TIMP2: variants seen among roughly 807,000 people sequenced by gnomAD.
The protein encoded by TIMP2 is TIMP metallopeptidase inhibitor 2.
Under a neutral mutation model 24.3 loss-of-function variants are expected in TIMP2, and 5 were observed. That is an observed-to-expected ratio of 0.21 (90% CI 0.11 to 0.43). The LOEUF (loss-of-function observed/expected upper bound fraction) is 0.43, where lower values mean the gene tolerates loss of function less well. Among genes scored for constraint, TIMP2 ranks in the 20% least tolerant of loss-of-function variants. TIMP2 has a pLI of 1.00. For missense variants in TIMP2, 221 were observed against 297.5 expected, an observed-to-expected ratio of 0.74 and a Z score of 1.89; for synonymous variants, 130 against 123.2, an observed-to-expected ratio of 1.06 and a Z score of -0.37.
intron 1 of TIMP2, among the ~76,000 whole-genome samples, chr17:78,886,083 G>A (rs965028647): frequency 6.6e-6 from 1 of 152,168 alleles, no homozygotes; most frequent in Non-Finnish European, 1.5e-5. Context: ...GAACCACCCT[G>A]TCCCCTTAGC....
rs1454768220 is a variant in TIMP2, at chr17:78,891,499, G to C, written c.131-17580C>G. 1 of 1,551,028 alleles carries C rather than the reference G, an allele frequency of 6.4e-7. No homozygotes were observed. Among genetic ancestry groups the C allele is most frequent in the Non-Finnish European group, 8.7e-7 (1 of 1,147,128 alleles). ...CCAACTCCAGCTCTTTCTGCCACTT[G>C]TTCTTCTCCCGGAGCGTGCACTGAG... On this transcript the variant is annotated intron_variant, in intron 1 of 4. Transcript: ENST00000262768. The surrounding 1 kb of genome is among the most constrained non-coding windows in gnomAD (Gnocchi z 4.5).
chr17:78,891,878 G>C lies in TIMP2; in HGVS notation c.131-17959C>G. 6.4e-7 allele frequency: 1 copy of C among 1,550,650 alleles called. No individual in the cohort carries two copies. The highest frequency in any genetic ancestry group is 8.7e-7 in the Non-Finnish European group (1 of 1,147,014). On this transcript the variant is annotated intron_variant, in intron 1 of 4. Coordinates refer to ENST00000262768, the MANE Select transcript of TIMP2 (RefSeq NM_003255.5). This position sits in a 1 kb window ranked among gnomAD's most constrained non-coding sequence, Gnocchi z 4.5. ...CAGGTGAGAATTCATCCGACCCGTGGCTTTTGTAGTCTGTGGTTTCTCTGG... is the reference window on the plus strand; with the variant it reads ...CAGGTGAGAATTCATCCGACCCGTGCCTTTTGTAGTCTGTGGTTTCTCTGG...
At chr17:78,870,096 G>A (rs1177263844) in intron 3 of TIMP2, among the ~76,000 whole-genome samples, 1 of 152,180 alleles carries the variant, frequency 6.6e-6, no homozygotes, top group Non-Finnish European at 1.5e-5. Context: ...AATAGCGAAT[G>A]TATCTAATGC....
intron 1 of TIMP2, chr17:78,903,128 A>G (rs2070121623): frequency 6.6e-6 from 1 of 152,374 alleles, no homozygotes; most frequent in Non-Finnish European, 1.5e-5. Context: ...TCAGGGGCCC[A>G]CTGACCAAAG....
rs2070338464 is a variant in TIMP2 at position 78,924,991 on chromosome 17, T to C, written c.98A>G (p.His33Arg). 7.8e-7 allele frequency: 1 copy of C among 1,290,018 alleles called. No individual in the cohort carries two copies. Among genetic ancestry groups the C allele is most frequent in the Non-Finnish European group, 9.9e-7 (1 of 1,007,632 alleles). The allele number at this position is 1,290,018 out of a possible 1,614,324, so 79.9% of individuals were successfully genotyped here. A position where few individuals can be genotyped will look rare whatever the true frequency, so the allele number is the denominator to read the frequency against. The change falls in exon 1 of 5, where the codon CAC becomes CGC. Residue 33 changes from histidine to arginine, a missense_variant. Physicochemically the swap from His to Arg is conservative, Grantham distance 29. Coordinates refer to ENST00000262768, the MANE Select transcript of TIMP2 (RefSeq NM_003255.5). The surrounding 1 kb of genome is among the most constrained non-coding windows in gnomAD (Gnocchi z 5.3). ...PADACSCSPV[H>R]PQQAFCNADV... ...TGCATTGCAAAACGCCTGTTGCGGG[T>C]GCACCGGGGAGCAGCTGCAGGCGTC...
chr17:78,884,917 C>T (rs911192847), intron 1 of TIMP2, among the ~76,000 whole-genome samples: 12 of 152,176 alleles, frequency 7.9e-5, no homozygotes, highest in South Asian at 2.1e-4. Context: ...GAGATTTGTG[C>T]GGAGAGAAGA....
chr17:78,881,759 T>G (rs924372611), intron 1 of TIMP2, among the ~76,000 whole-genome samples: 4 of 152,244 alleles, frequency 2.6e-5, no homozygotes, highest in Non-Finnish European at 5.9e-5. Context: ...GGGAAAGGAC[T>G]GTGACGTTCC....
intron 3 of TIMP2, among the ~76,000 whole-genome samples, chr17:78,863,003 A>G (rs190609669): frequency 6.6e-6 from 1 of 152,302 alleles, no homozygotes; most frequent in African/African-American, 2.4e-5. Context: ...GCTATTGCAG[A>G]TAGTGCGGTA....
At chr17:78,923,862 G>A (rs750042568) in intron 1 of TIMP2, among the ~76,000 whole-genome samples, 4 of 152,188 alleles carry the variant, frequency 2.6e-5, no homozygotes, top group Non-Finnish European at 5.9e-5. Context: ...GACAGCAGGA[G>A]AAACAGAAAG....
At chr17:78,893,361 AG>A (rs2069942823) in intron 1 of TIMP2, among the ~76,000 whole-genome samples, 2 of 89,024 alleles carry the variant, frequency 2.2e-5, no homozygotes, top group South Asian at 8.3e-4. Context: ...GTGTGTGTGC[AG>A]GGGTGTGTAG....
At position 78,908,432 on chromosome 17, in the gene TIMP2, C is replaced by CAAA. The variant is rs139106209; in HGVS notation, c.130+16524_130+16526dup. Among the ~76,000 whole-genome samples, 383 of 152,312 alleles carry CAAA rather than the reference C, an allele frequency of 2.5e-3. 9 individuals are homozygous for CAAA. In the East Asian group the frequency reaches 0.068, roughly 27 times the overall value. On this transcript the variant is annotated intron_variant, in intron 1 of 4. Coordinates refer to ENST00000262768, the MANE Select transcript of TIMP2 (RefSeq NM_003255.5). ...TGCCTCTAAACTACTCAAATTAAGG[C>CAAA]AAAATATACCTGTCACCAAGGCCTT... is the stretch of plus-strand genomic sequence containing the variant.
chr17:78,878,398 G>A (rs965647030), intron 1 of TIMP2, among the ~76,000 whole-genome samples: 8 of 152,124 alleles, frequency 5.3e-5, no homozygotes, highest in Admixed American at 2.0e-4. Flanking sequence ...TGCGGTGCCC[G>A]GGAACTAATG....
intron 3 of TIMP2, 83 bp from the exon 4 acceptor site, chr17:78,857,729 C>T: frequency 1.3e-6 from 2 of 1,575,044 alleles, no homozygotes; most frequent in East Asian, 4.5e-5. Context: ...CGCAGGGGCG[C>T]TGGGATTTCG....
intron 1 of TIMP2, among the ~76,000 whole-genome samples, chr17:78,889,968 A>AG (rs2069864108): frequency 6.6e-6 from 1 of 152,006 alleles, no homozygotes; most frequent in Non-Finnish European, 1.5e-5. Context: ...AAATACAAAA[A>AG]ATTAGCCAGG....
At chr17:78,857,346 G>C (rs2069531854) in intron 4 of TIMP2, 176 bp downstream of exon 4, 2 of 829,600 alleles carry the variant, frequency 2.4e-6, no homozygotes, top group Non-Finnish European at 3.7e-6. Context: ...GGGGTCAAAG[G>C]CTCTGTCCCC....
In TIMP2 at chr17:78,895,316, AT is replaced by A. The variant is rs2069981661; in HGVS notation, c.131-21398del. ...AAATAAAAATAAAAATCAGCAACAG[AT>A]TTAAATAGATATTTCACCAAAGAAC... On this transcript the variant is annotated intron_variant, in intron 1 of 4. Transcript: ENST00000262768. Among the ~76,000 whole-genome samples the A allele has an allele frequency of 3.3e-5, 5 of 152,206 alleles. 1 individual carries two copies. In the South Asian group the frequency reaches 1.0e-3, roughly 32 times the overall value.
At chr17:78,864,111 C>T (rs1005977026) in intron 3 of TIMP2, among the ~76,000 whole-genome samples, 3 of 152,066 alleles carry the variant, frequency 2.0e-5, no homozygotes, top group African/African-American at 4.8e-5. Context: ...GACAGGGTCC[C>T]GCCCTGCCAC....
chr17:78,888,207 T>C (rs928427736), intron 1 of TIMP2, among the ~76,000 whole-genome samples: 4 of 151,636 alleles, frequency 2.6e-5, no homozygotes, highest in African/African-American at 9.7e-5. Context: ...ACACCCAGGC[T>C]GGAGTGCAGT....
rs1365555274 is a variant in TIMP2, at chr17:78,855,498, A to T, written c.*169T>A. On this transcript the variant is annotated 3_prime_UTR_variant, in exon 5 of 5. Transcript: ENST00000262768. The surrounding 1 kb of genome is among the most constrained non-coding windows in gnomAD (Gnocchi z 6.0). ...ACCTTGGACCCACGTCTCCCTCCAGACCCACAACCATGTCTAAAAGGAGAA... is the reference window on the plus strand; with the variant it reads ...ACCTTGGACCCACGTCTCCCTCCAGTCCCACAACCATGTCTAAAAGGAGAA... The T allele has an allele frequency of 2.5e-6, 2 of 812,812 alleles. No homozygotes were observed. The highest frequency in any genetic ancestry group is 5.4e-5 in the East Asian group (2 of 37,114). 50.3% of individuals were successfully genotyped at this position (812,812 alleles called of 1,614,324 possible).
Sources: gnomAD v4.1 joint callset for allele counts (sites outside exome capture counted in the v4.1 genomes callset) on GRCh38, gnomAD v4.1.1 for gene constraint, Gnocchi (gnomAD v3.1) non-coding constraint, MANE v1.5 for transcripts, NCBI Gene and HGNC (gene_info 2026-07-23, HGNC 2026-07-21) for gene names.